The following SH3PXD2B variants were observed in gnomAD, a reference collection of about 807,000 sequenced individuals.
SH3PXD2B encodes the protein SH3 and PX domain-containing protein 2B.
A neutral mutation model predicts 73.1 loss-of-function variants in SH3PXD2B; 37 were observed. That is an observed-to-expected ratio of 0.51 (90% CI 0.39 to 0.67). SH3PXD2B has a LOEUF of 0.67. SH3PXD2B is among the 30% of genes least tolerant of loss of function. The probability of loss-of-function intolerance (pLI) is 0.00; values close to 1 mark genes in which losing one functional copy is unlikely to be tolerated. For missense variants in SH3PXD2B, 1,053 were observed against 1,197.8 expected, an observed-to-expected ratio of 0.88 and a Z score of 1.78; for synonymous variants, 457 against 480.5, an observed-to-expected ratio of 0.95 and a Z score of 0.64.
At chr5:172,436,345 C>T (rs1759385396) in intron 1 of SH3PXD2B, among the ~76,000 whole-genome samples, 1 of 152,188 alleles carries the variant, frequency 6.6e-6, no homozygotes, top group South Asian at 2.1e-4. Flanking sequence ...AGGGTATAAC[C>T]CAGCAGCCTG....
intron 1 of SH3PXD2B, among the ~76,000 whole-genome samples, chr5:172,447,884 G>A (rs1359922579): frequency 6.6e-6 from 1 of 152,166 alleles, no homozygotes; most frequent in African/African-American, 2.4e-5. Flanking sequence ...TGCACCTATG[G>A]GGTGGGGTGG....
intron 1 of SH3PXD2B, among the ~76,000 whole-genome samples, chr5:172,431,669 T>G (rs1759244456): frequency 6.7e-6 from 1 of 150,310 alleles, no homozygotes; most frequent in South Asian, 2.1e-4. Flanking sequence ...GTGTGGGTGT[T>G]TATATACACA....
At chr5:172,343,547 T>C (rs1477151559) in intron 12 of SH3PXD2B, among the ~76,000 whole-genome samples, 1 of 152,102 alleles carries the variant, frequency 6.6e-6, no homozygotes, top group Non-Finnish European at 1.5e-5. Flanking sequence ...ACGCCTGCAA[T>C]TCCACCGCTT....
chr5:172,374,499 T>C (rs546359251), intron 5 of SH3PXD2B, among the ~76,000 whole-genome samples: 2 of 152,254 alleles, frequency 1.3e-5, no homozygotes, highest in South Asian at 2.1e-4. Flanking sequence ...CTGGCCAACA[T>C]GGTGAAATCC....
chr5:172,419,414 C>T (rs915844880), intron 2 of SH3PXD2B, among the ~76,000 whole-genome samples: 4 of 152,122 alleles, frequency 2.6e-5, no homozygotes, highest in African/African-American at 4.8e-5. Context: ...AACTATGATC[C>T]AGGGCCCTTA....
chr5:172,422,288 C>T (rs1366708971), intron 2 of SH3PXD2B, 128 bp downstream of exon 2: 1 of 888,022 alleles, frequency 1.1e-6, no homozygotes, highest in Non-Finnish European at 1.8e-6. Context: ...AGCCACCACG[C>T]CCAGCCATGG....
chr5:172,386,557 C>G (rs974180267), intron 4 of SH3PXD2B, among the ~76,000 whole-genome samples: 4 of 149,796 alleles, frequency 2.7e-5, no homozygotes, highest in African/African-American at 1.0e-4. Context: ...GATTTAAAAA[C>G]GTTTTCTGTT....
chr5:172,450,230 TA>T lies in SH3PXD2B; in HGVS notation c.75+4047del, dbSNP rs200573153. On this transcript the variant is annotated intron_variant, in intron 1 of 12. Transcript: ENST00000311601. ...GTAAATTATACCTCAAGAAAGCTGT[TA>T]AAAAAAATCCTATCTATTAGTCTAT... is the stretch of plus-strand genomic sequence containing the variant. 7.2e-3 allele frequency among the ~76,000 whole-genome samples: 1,089 copies of T among 151,184 alleles called. 9 individuals are homozygous for T. The highest frequency in any genetic ancestry group is 0.022 in the African/African-American group (922 of 41,092).
At chr5:172,325,392 C>A (rs1756429139) in intron 12 of SH3PXD2B, 2 of 1,519,264 alleles carry the variant, frequency 1.3e-6, no homozygotes, top group African/African-American at 2.8e-5. Flanking sequence ...TAGATGAATG[C>A]AGGGAGAAAA....
intron 2 of SH3PXD2B, among the ~76,000 whole-genome samples, chr5:172,418,127 A>G (rs1354830684): frequency 2.0e-5 from 3 of 152,180 alleles, no homozygotes; most frequent in East Asian, 3.9e-4. Flanking sequence ...CCAGCTTCCA[A>G]TCTGAGCTCT....
At chr5:172,378,638 G>A (rs1757872339) in intron 5 of SH3PXD2B, among the ~76,000 whole-genome samples, 1 of 152,222 alleles carries the variant, frequency 6.6e-6, no homozygotes, top group South Asian at 2.1e-4. Context: ...CTGTAGAGCA[G>A]TTCCAAGTGA....
chr5:172,357,118 C>CAAAAAAAA (rs59461760), intron 8 of SH3PXD2B, among the ~76,000 whole-genome samples: 1 of 59,016 alleles, frequency 1.7e-5, no homozygotes, highest in Non-Finnish European at 3.0e-5. Context: ...GACCCCATCT[C>CAAAAAAAA]AAAAAAAAAA....
intron 5 of SH3PXD2B, among the ~76,000 whole-genome samples, chr5:172,379,357 TTCTC>T (rs140904910): frequency 3.4e-5 from 5 of 148,392 alleles, no homozygotes; most frequent in African/African-American, 1.2e-4. Flanking sequence ...AGAGCTGGCT[TTCTC>T]TCTCTCTCTC....
intron 7 of SH3PXD2B, among the ~76,000 whole-genome samples, chr5:172,361,061 C>CA (rs1259248907): frequency 1.3e-5 from 2 of 152,018 alleles, no homozygotes; most frequent in African/African-American, 4.8e-5. Context: ...AAAATGTATA[C>CA]AATGACACCA....
downstream of SH3PXD2B, among the ~76,000 whole-genome samples, chr5:172,328,938 A>G (rs1469022085): frequency 6.6e-6 from 1 of 151,832 alleles, no homozygotes; most frequent in African/African-American, 2.4e-5. Context: ...TTTCCCACGT[A>G]ACAATATTGT....
intron 12 of SH3PXD2B, among the ~76,000 whole-genome samples, chr5:172,342,617 T>C (rs558188807): frequency 5.3e-5 from 8 of 152,116 alleles, no homozygotes; most frequent in Admixed American, 1.3e-4. Flanking sequence ...AAAAATTAGC[T>C]GGGTGTGGTG....
chr5:172,450,219 A>C (rs890431772), intron 1 of SH3PXD2B, among the ~76,000 whole-genome samples: 3 of 152,006 alleles, frequency 2.0e-5, no homozygotes, highest in Non-Finnish European at 4.4e-5. Context: ...ATTATACCTC[A>C]AGAAAGCTGT....
intron 4 of SH3PXD2B, among the ~76,000 whole-genome samples, chr5:172,383,818 G>C (rs1327169220): frequency 2.6e-5 from 4 of 151,890 alleles, no homozygotes; most frequent in African/African-American, 9.7e-5. Flanking sequence ...TCTGGGGATA[G>C]AAGAGATGTG....
chr5:172,453,965 C>CCGT, intron 1 of SH3PXD2B, among the ~76,000 whole-genome samples: 1 of 152,100 alleles, frequency 6.6e-6, no homozygotes, highest in Non-Finnish European at 1.5e-5. Context: ...CAGACTTTTC[C>CCGT]ACAGATGAGC....
Sources: gnomAD v4.1 joint callset for allele counts (sites outside exome capture counted in the v4.1 genomes callset) on GRCh38, gnomAD v4.1.1 for gene constraint, MANE v1.5 for transcripts, NCBI Gene and HGNC (gene_info 2026-07-23, HGNC 2026-07-21) for gene names.